The following TRIM77 variants were observed in gnomAD, a reference collection of about 807,000 sequenced individuals.
TRIM77 encodes tripartite motif containing 77, also known as tripartite motif-containing protein 77.
TRIM77 carries 23 observed loss-of-function variants against 31.8 expected under a neutral mutation model. The observed-to-expected ratio is 0.72, with a 90% CI of 0.52 to 1.02. The LOEUF (loss-of-function observed/expected upper bound fraction) is 1.02, where lower values mean the gene tolerates loss of function less well. Ranked by LOEUF, TRIM77 falls within the 50% of genes least tolerant of loss-of-function variation. The pLI is 0.00. For missense variants in TRIM77, 446 were observed against 539.2 expected, an observed-to-expected ratio of 0.83 and a Z score of 1.71; for synonymous variants, 159 against 183.1, an observed-to-expected ratio of 0.87 and a Z score of 1.06.
chr11:89,710,774 A>G (rs1949117393), intron 1 of TRIM77, 65 bp downstream of exon 1: 1 of 1,236,270 alleles, frequency 8.1e-7, no homozygotes, highest in South Asian at 1.6e-5. Context: ...GGTAATACGG[A>G]AAGATATACT....
Position 89,717,501 on chromosome 11 carries a change from ACTT to A in TRIM77, c.987_989del (p.Ser330del). 6.4e-7 allele frequency: 1 copy of A among 1,551,546 alleles called. No individual in the cohort carries two copies. Among genetic ancestry groups the A allele is most frequent in the Non-Finnish European group, 8.7e-7 (1 of 1,146,920 alleles). ...CTGTAATCCAACAAGTACACAGTAT[ACTT>A]CTTCATGGGGAGCTCAGATCCTCAG... On this transcript the variant is annotated inframe_deletion, in exon 6 of 6. Transcript: ENST00000398290.
Position 89,714,221 on chromosome 11 carries a change from C to T in TRIM77, c.537C>T (p.Ile179=), listed in dbSNP as rs1377929765. The T allele has an allele frequency of 6.4e-7, 1 of 1,550,700 alleles. No homozygotes were observed. Among genetic ancestry groups the T allele is most frequent in the South Asian group, 1.2e-5 (1 of 83,786 alleles). ...TTATAAATTTGCGGAGCATGATGAT[C>T]AGTGCTGAATATCCTAAGGTGTGTC... ...EVFINLRSMM[I]SAEYPKVCQY... Residue 179 remains isoleucine, a synonymous_variant, in exon 3 of 6, where the codon ATC becomes ATT. Coordinates refer to ENST00000398290, the MANE Select transcript of TRIM77 (RefSeq NM_001146162.1).
chr11:89,710,749 A>G (rs1360413250), intron 1 of TRIM77, 40 bp downstream of exon 1: 4 of 1,430,196 alleles, frequency 2.8e-6, no homozygotes, highest in Non-Finnish European at 3.7e-6. Context: ...AATGTGAAGA[A>G]CCCTGAATCC....
At position 89,717,437 on chromosome 11, in the gene TRIM77, A is replaced by G; in HGVS notation, c.918A>G (p.Leu306=). 6.4e-7 allele frequency: 1 copy of G among 1,551,432 alleles called. No individual in the cohort carries two copies. The highest frequency in any genetic ancestry group is 8.7e-7 in the Non-Finnish European group (1 of 1,146,828). ...ATCACAAGCTTCTGTTCGAAGACCT[A>G]AGGCATTTGCAGTGCAGCCTTGATG... ...CSNHKLLFED[L]RHLQCSLDDT... The change falls in exon 6 of 6, where the codon CTA becomes CTG. Residue 306 remains leucine (L), a synonymous_variant. Transcript: ENST00000398290.
intron 3 of TRIM77, among the ~76,000 whole-genome samples, 171 bp downstream of exon 3, chr11:89,714,593 T>G (rs1223595527): frequency 6.6e-6 from 1 of 152,198 alleles, no homozygotes; most frequent in East Asian, 1.9e-4. Context: ...CCGGTCTCAC[T>G]CTTTCTTGTC....
At position 89,715,951 on chromosome 11, in the gene TRIM77, A is replaced by C. The variant is rs1161416939; in HGVS notation, c.823A>C (p.Ile275Leu). The C allele has an allele frequency of 1.9e-6, 3 of 1,548,380 alleles. No individual in the cohort carries two copies. The highest frequency in any genetic ancestry group is 2.7e-5 in the African/African-American group (2 of 72,982). ...PVNPQLSAWTITGVSERLNFF... is the reference protein window; with the variant it reads ...PVNPQLSAWTLTGVSERLNFF... ...GAACCCACAGCTCAGTGCATGGACC[A>C]TCACTGGGGTGTCAGAAAGGCTTAA... is the stretch of plus-strand genomic sequence containing the variant. The change falls in exon 5 of 6, where the codon ATC (isoleucine) becomes CTC (leucine). Residue 275 changes from isoleucine to leucine, a missense_variant. Physicochemically the swap from Ile to Leu is conservative, Grantham distance 5 (BLOSUM62 2). Around this residue, in one of 3 missense-constraint regions of TRIM77, gnomAD observed 366 missense variants for 447.9 expected, o/e 0.82. Transcript: ENST00000398290.
chr11:89,714,034 A>C (rs987372869), intron 2 of TRIM77, among the ~76,000 whole-genome samples, 158 bp from the exon 3 acceptor site: 3 of 152,122 alleles, frequency 2.0e-5, no homozygotes, highest in African/African-American at 7.2e-5. Context: ...AGAGGAAGGG[A>C]AGGAGGAAGA....
At chr11:89,712,034 A>C (rs908620038) in intron 2 of TRIM77, among the ~76,000 whole-genome samples, 3 of 152,214 alleles carry the variant, frequency 2.0e-5, no homozygotes, top group African/African-American at 7.2e-5. Context: ...AGATATGGCT[A>C]TAAATGTACT....
At chr11:89,713,081 G>A (rs1394901797) in intron 2 of TRIM77, among the ~76,000 whole-genome samples, 1 of 151,862 alleles carries the variant, frequency 6.6e-6, no homozygotes, top group Non-Finnish European at 1.5e-5. Flanking sequence ...AGACCATCTT[G>A]GCCAATGTGG....
chr11:89,714,008 G>A (rs1949143159), intron 2 of TRIM77, among the ~76,000 whole-genome samples, 184 bp from the exon 3 acceptor site: 1 of 152,104 alleles, frequency 6.6e-6, no homozygotes, highest in Non-Finnish European at 1.5e-5. Context: ...TAGATGGAGT[G>A]ATGCAGGGAA....
rs768210208 is a variant in TRIM77, at chr11:89,711,477, G to C, written c.479G>C (p.Arg160Thr). The C allele has an allele frequency of 6.6e-7, 1 of 1,519,878 alleles. No homozygotes were observed. Among genetic ancestry groups the C allele is most frequent in the Non-Finnish European group, 8.8e-7 (1 of 1,133,766 alleles). 94.1% of individuals were successfully genotyped at this position (1,519,878 alleles called of 1,614,324 possible). The change falls in exon 2 of 6, where the codon AGA becomes ACA. Residue 160 changes from arginine (R) to threonine (T), a missense_variant. By Grantham distance (71) the Arg-to-Thr change is moderately conservative. Coordinates refer to ENST00000398290, the MANE Select transcript of TRIM77 (RefSeq NM_001146162.1). ...KKQKNQRNLN[R>T]ETNIIGTWEV... is the part of the protein sequence containing the mutation. The stretch of plus-strand genomic sequence containing the variant: ...CAGAAAAATCAAAGAAATCTAAACA[G>C]AGAGACCAACATAATCGGAACATGG...
intron 5 of TRIM77, 74 bp from the exon 6 acceptor site, chr11:89,717,305 C>T: frequency 7.3e-7 from 1 of 1,362,190 alleles, no homozygotes; most frequent in Non-Finnish European, 9.7e-7. Context: ...TAAGCATTTG[C>T]CAGACTGCCT....
Position 89,715,957 on chromosome 11 carries a change from G to A in TRIM77, c.829G>A (p.Gly277Arg). 2 of 1,548,016 alleles carry A rather than the reference G, an allele frequency of 1.3e-6. No homozygotes were observed. The highest frequency in any genetic ancestry group is 1.2e-5 in the South Asian group (1 of 83,656). Residue 277 changes from glycine to arginine, a missense_variant, in exon 5 of 6, where the codon GGG (glycine) becomes AGG (arginine). This residue lies in a region of TRIM77 where 366 missense variants were observed against 447.9 expected (regional missense o/e 0.82). Transcript: ENST00000398290. Reference sequence around the variant, plus strand: ...ACAGCTCAGTGCATGGACCATCACTGGGGTGTCAGAAAGGCTTAACTTCTT... The same window carrying A: ...ACAGCTCAGTGCATGGACCATCACTAGGGTGTCAGAAAGGCTTAACTTCTT... ...NPQLSAWTIT[G>R]VSERLNFFRV... is the part of the protein sequence containing the mutation.
rs11018748 is a variant in TRIM77, at chr11:89,713,455, C to A, written c.508-737C>A. On this transcript the variant is annotated intron_variant, in intron 2 of 5. Transcript: ENST00000398290. ...TGGGTGACAAACTGAGACCTTGTCT[C>A]AATAATAATAATAATAATAATAATA... 2.4e-3 allele frequency among the ~76,000 whole-genome samples: 297 copies of A among 122,394 alleles called. 4 individuals are homozygous for A. The highest frequency in any genetic ancestry group is 0.012 in the East Asian group (52 of 4,252). The allele number at this position is 122,394 out of a possible 152,430, so 80.3% of individuals were successfully genotyped here. A position where few individuals can be genotyped will look rare whatever the true frequency, so the allele number is the denominator to read the frequency against.
rs1253147147 is a variant in TRIM77, at chr11:89,715,190, C to A, written c.761+10C>A. On this transcript the variant is annotated intron_variant, in intron 4 of 5. Transcript: ENST00000398290. ...GAGACGTAATGAAAAGGTAAGTTTG[C>A]CCCTCTATCCAAGTCCTGGTAATTG... 1.3e-6 allele frequency: 2 copies of A among 1,551,094 alleles called. No homozygotes were observed. The highest frequency in any genetic ancestry group is 2.0e-5 in the Admixed American group (1 of 50,964).
At chr11:89,714,758 T>C (rs1391505986) in intron 3 of TRIM77, among the ~76,000 whole-genome samples, 3 of 152,200 alleles carry the variant, frequency 2.0e-5, no homozygotes, top group African/African-American at 7.2e-5. Context: ...GATGTGTCAA[T>C]ATGTGAAAGT....
chr11:89,715,135 A>G (rs761989047), intron 3 of TRIM77, 23 bp from the exon 4 acceptor site: 26 of 1,550,686 alleles, frequency 1.7e-5, no homozygotes, highest in Middle Eastern at 3.3e-4. Context: ...CTGCAAACTA[A>G]GCAATCCTCT....
chr11:89,714,259 A>T lies in TRIM77; in HGVS notation c.575A>T (p.Glu192Val). 6.4e-7 allele frequency: 1 copy of T among 1,551,710 alleles called. No individual in the cohort carries two copies. The highest frequency in any genetic ancestry group is 1.2e-5 in the South Asian group (1 of 84,050). The stretch of plus-strand genomic sequence containing the variant: ...CCTAAGGTGTGTCAATACCTCCGTG[A>T]AGAAGAGCAAAAGCACGTAGAGAGC... ...EYPKVCQYLR[E>V]EEQKHVESLA... Residue 192 changes from glutamate (E) to valine (V), a missense_variant, in exon 3 of 6, where the codon GAA becomes GTA. By Grantham distance (121) the Glu-to-Val change is moderately radical. Transcript: ENST00000398290.
At chr11:89,715,274 G>C in intron 4 of TRIM77, 94 bp downstream of exon 4, 1 of 1,161,976 alleles carries the variant, frequency 8.6e-7, no homozygotes, top group Middle Eastern at 1.9e-4. Flanking sequence ...AGGAATTTCT[G>C]TCTGTATTTA....
Sources: allele counts gnomAD v4.1 joint callset (sites outside exome capture counted in the v4.1 genomes callset), GRCh38; gene constraint gnomAD v4.1.1; regional missense constraint gnomAD v4.1.1; transcripts MANE v1.5; gene names NCBI Gene and HGNC (gene_info 2026-07-23, HGNC 2026-07-21).